Variants in RNF214 observed in about 807,000 individuals in gnomAD.
RNF214 encodes ring finger protein 214.
A neutral mutation model predicts 75.9 loss-of-function variants in RNF214; 25 were observed. The observed-to-expected ratio is 0.33, with a 90% CI of 0.24 to 0.46. The LOEUF is 0.46. Among genes scored for constraint, RNF214 ranks in the 20% least tolerant of loss-of-function variants. The probability of loss-of-function intolerance (pLI) is 1.00; values close to 1 mark genes in which losing one functional copy is unlikely to be tolerated. For synonymous variants in RNF214, 314 were observed against 308.8 expected, an observed-to-expected ratio of 1.02 and a Z score of -0.18; for missense variants, 725 against 857.5, an observed-to-expected ratio of 0.85 and a Z score of 1.93.
Position 117,280,058 on chromosome 11 carries a change from A to T in RNF214, c.1056+54A>T, listed in dbSNP as rs534649631. 4 of 1,533,918 alleles carry T rather than the reference A, an allele frequency of 2.6e-6. No individual in the cohort carries two copies. In the East Asian group the frequency reaches 6.7e-5, roughly 26 times the overall value. ...TCTTAGTTTCAGGCTTCCAGATGGT[A>T]TCTACTTTTGGCATTGTAATAGGAG... On this transcript the variant is annotated intron_variant, in intron 7 of 14. Coordinates refer to ENST00000300650, the MANE Select transcript of RNF214 (RefSeq NM_207343.4).
chr11:117,262,338 C>T (rs532867906), intron 6 of RNF214, among the ~76,000 whole-genome samples: 180 of 152,208 alleles, frequency 1.2e-3, no homozygotes, highest in Non-Finnish European at 2.0e-3. Context: ...CTGCCTGCCT[C>T]GGCCTCCCGA....
chr11:117,253,904 G>A (rs566074577), intron 6 of RNF214, among the ~76,000 whole-genome samples: 1 of 152,212 alleles, frequency 6.6e-6, no homozygotes, highest in South Asian at 2.1e-4. Flanking sequence ...CATAGGATAG[G>A]TAAGTAGCAG....
chr11:117,280,025 C>T, intron 7 of RNF214, 21 bp downstream of exon 7: 1 of 1,582,882 alleles, frequency 6.3e-7, no homozygotes, highest in Non-Finnish European at 8.6e-7. Flanking sequence ...GAGCTGATAT[C>T]TTGAAAGTCT....
intron 6 of RNF214, among the ~76,000 whole-genome samples, chr11:117,268,304 G>A (rs568960019): frequency 6.6e-6 from 1 of 152,316 alleles, no homozygotes; most frequent in Admixed American, 6.5e-5. Flanking sequence ...GGGAGATAGG[G>A]AAGCTGTCTC....
intron 6 of RNF214, among the ~76,000 whole-genome samples, chr11:117,255,915 A>C (rs1056427854): frequency 6.6e-6 from 1 of 152,168 alleles, no homozygotes; most frequent in African/African-American, 2.4e-5. Context: ...ATTTTTTCAT[A>C]GTTCTGTATA....
chr11:117,278,318 C>A (rs1258115213), intron 6 of RNF214, among the ~76,000 whole-genome samples: 1 of 152,074 alleles, frequency 6.6e-6, no homozygotes, highest in South Asian at 2.1e-4. Context: ...CAAAACAAAA[C>A]ATGTAACTCT....
intron 3 of RNF214, chr11:117,239,498 T>TC: frequency 2.2e-6 from 1 of 464,096 alleles, no homozygotes; most frequent in South Asian, 2.3e-5. Flanking sequence ...GTGACGGGTG[T>TC]GCTTTGTTGT....
intron 8 of RNF214, 64 bp from the exon 9 acceptor site, chr11:117,281,250 C>A: frequency 1.8e-6 from 2 of 1,131,292 alleles, no homozygotes; most frequent in Non-Finnish European, 2.7e-6. Context: ...GGATTACAGG[C>A]GTGAGTCACT....
intron 5 of RNF214, among the ~76,000 whole-genome samples, chr11:117,246,341 A>G (rs529850592): frequency 1.1e-4 from 17 of 152,138 alleles, no homozygotes; most frequent in Non-Finnish European, 2.2e-4. Context: ...GTGTGTGTGT[A>G]TATATGTATG....
chr11:117,276,561 G>A (rs931511219), intron 6 of RNF214, among the ~76,000 whole-genome samples: 2 of 152,084 alleles, frequency 1.3e-5, no homozygotes, highest in Admixed American at 6.6e-5. Context: ...TCATGCCAGT[G>A]TACTCCAGCC....
At chr11:117,259,033 T>A (rs1456089526) in intron 6 of RNF214, among the ~76,000 whole-genome samples, 2 of 152,202 alleles carry the variant, frequency 1.3e-5, no homozygotes, top group Non-Finnish European at 2.9e-5. Flanking sequence ...CTTGGTTCAC[T>A]GCAACCTCCG....
intron 2 of RNF214, among the ~76,000 whole-genome samples, chr11:117,234,894 G>A (rs545235661): frequency 6.6e-6 from 1 of 152,276 alleles, no homozygotes; most frequent in South Asian, 2.1e-4. Flanking sequence ...ATCTATAAAT[G>A]CTCAAGTCCC....
At chr11:117,257,709 G>C (rs1489119444) in intron 6 of RNF214, among the ~76,000 whole-genome samples, 2 of 152,084 alleles carry the variant, frequency 1.3e-5, no homozygotes, top group Non-Finnish European at 2.9e-5. Context: ...AAGACAAAAA[G>C]AATAATGAGA....
At chr11:117,279,754 T>G (rs1178055876) in intron 6 of RNF214, among the ~76,000 whole-genome samples, 154 bp from the exon 7 acceptor site, 1 of 152,234 alleles carries the variant, frequency 6.6e-6, no homozygotes, top group South Asian at 2.1e-4. Context: ...TAGCAAAGAA[T>G]AAAGAAGAAA....
intron 6 of RNF214, among the ~76,000 whole-genome samples, chr11:117,256,581 G>A (rs937112776): frequency 4.6e-5 from 7 of 152,114 alleles, no homozygotes; most frequent in Non-Finnish European, 1.0e-4. Flanking sequence ...ATATAGTCTC[G>A]GGGCTTTTCC....
In RNF214 at chr11:117,239,739, G is replaced by A. The variant is rs531739308; in HGVS notation, c.619-62G>A. ...ACCTGTGGCGGAATTCTAGGTGTTAGTGATTCTGCCTCTTTTAAAGTGTCT... is the reference window on the plus strand; with the variant it reads ...ACCTGTGGCGGAATTCTAGGTGTTAATGATTCTGCCTCTTTTAAAGTGTCT... On this transcript the variant is annotated intron_variant, in intron 3 of 14. Coordinates refer to ENST00000300650, the MANE Select transcript of RNF214 (RefSeq NM_207343.4). 7 of 886,710 alleles carry A rather than the reference G, an allele frequency of 7.9e-6. No homozygotes were observed. The East Asian group carries it at 1.7e-4, about 22-fold the overall frequency. The allele number at this position is 886,710 out of a possible 1,614,324, so 54.9% of individuals were successfully genotyped here.
intron 6 of RNF214, among the ~76,000 whole-genome samples, chr11:117,266,973 CA>C (rs34374425): frequency 1.6e-3 from 125 of 79,842 alleles, no homozygotes; most frequent in East Asian, 1.7e-3. Flanking sequence ...TCCTGCCTCA[CA>C]AAAAAAAAAA....
chr11:117,248,709 C>A (rs753255646), intron 6 of RNF214, among the ~76,000 whole-genome samples: 1 of 152,028 alleles, frequency 6.6e-6, no homozygotes, highest in African/African-American at 2.4e-5. Context: ...GAGGAGTGTA[C>A]CTGGAATAGA....
chr11:117,256,318 A>G (rs925518644), intron 6 of RNF214, among the ~76,000 whole-genome samples: 2 of 152,234 alleles, frequency 1.3e-5, no homozygotes, highest in Admixed American at 6.5e-5. Flanking sequence ...TAAAAATACC[A>G]CTGTAAAAGT....
Sources: gnomAD v4.1 joint callset for allele counts (sites outside exome capture counted in the v4.1 genomes callset) on GRCh38, gnomAD v4.1.1 for gene constraint, MANE v1.5 for transcripts, NCBI Gene and HGNC (gene_info 2026-07-23, HGNC 2026-07-21) for gene names.